The following CDH7 variants were observed in gnomAD, a reference collection of about 807,000 sequenced individuals.
CDH7 encodes the protein cadherin 7.
CDH7 carries 25 observed loss-of-function variants against 71.8 expected under a neutral mutation model. That is an observed-to-expected ratio of 0.35 (90% CI 0.25 to 0.49). The LOEUF is 0.49. Ranked by LOEUF, CDH7 falls within the 20% of genes least tolerant of loss-of-function variation. CDH7 has a pLI of 0.99. For synonymous variants in CDH7, 381 were observed against 363.8 expected, an observed-to-expected ratio of 1.05 and a Z score of -0.54; for missense variants, 862 against 974.6, an observed-to-expected ratio of 0.88 and a Z score of 1.54.
At chr18:65,836,529 G>GT in intron 6 of CDH7, among the ~76,000 whole-genome samples, 1 of 151,704 alleles carries the variant, frequency 6.6e-6, no homozygotes, top group Non-Finnish European at 1.5e-5. Context: ...ATAATTTATG[G>GT]TTTTAGACTG....
chr18:65,787,910 C>A (rs760551062), intron 2 of CDH7, among the ~76,000 whole-genome samples: 2 of 151,992 alleles, frequency 1.3e-5, no homozygotes, highest in Non-Finnish European at 2.9e-5. Context: ...TAAGAGAAAG[C>A]GAGTAACCAG....
intron 7 of CDH7, among the ~76,000 whole-genome samples, chr18:65,849,368 T>C (rs1358281979): frequency 1.5e-5 from 1 of 68,538 alleles, no homozygotes; most frequent in East Asian, 2.8e-4. Context: ...TCTTTTCTTT[T>C]CTTTTCTTTT....
chr18:65,830,399 C>T (rs1912294384), intron 6 of CDH7, among the ~76,000 whole-genome samples: 1 of 152,116 alleles, frequency 6.6e-6, no homozygotes, highest in African/African-American at 2.4e-5. Context: ...CATGGAAGTG[C>T]CTGTGATAAC....
chr18:65,815,604 A>G (rs1911696145), intron 4 of CDH7, among the ~76,000 whole-genome samples: 1 of 152,218 alleles, frequency 6.6e-6, no homozygotes, highest in African/African-American at 2.4e-5. Context: ...ACAGAGAAGT[A>G]AATTCAACCT....
chr18:65,875,803 C>A (rs2144063645), intron 11 of CDH7, among the ~76,000 whole-genome samples: 1 of 152,226 alleles, frequency 6.6e-6, no homozygotes, highest in Non-Finnish European at 1.5e-5. Context: ...TGGTGCATGG[C>A]TGTAGTCTCA....
Position 65,785,884 on chromosome 18 carries a change from A to G in CDH7, c.210+22832A>G, listed in dbSNP as rs142019680. The stretch of plus-strand genomic sequence containing the variant: ...CATAAGAAATATAATTTGTAAAAGT[A>G]CATATAGCAGTAGAATATGTTAACC... On this transcript the variant is annotated intron_variant, in intron 2 of 11. Coordinates refer to ENST00000397968, the MANE Select transcript of CDH7 (RefSeq NM_004361.5). 5.3e-4 allele frequency among the ~76,000 whole-genome samples: 80 copies of G among 152,352 alleles called. No homozygotes were observed. The East Asian group carries it at 0.014, about 27-fold the overall frequency.
intron 5 of CDH7, among the ~76,000 whole-genome samples, chr18:65,822,712 A>G (rs1911980590): frequency 6.6e-6 from 1 of 152,050 alleles, no homozygotes; most frequent in African/African-American, 2.4e-5. Context: ...CACACTTTTT[A>G]AAGCCAGTTT....
chr18:65,796,507 A>G (rs1910921158), intron 2 of CDH7, among the ~76,000 whole-genome samples: 1 of 152,170 alleles, frequency 6.6e-6, no homozygotes, highest in Non-Finnish European at 1.5e-5. Flanking sequence ...GGTAGCTACT[A>G]CATATTTATT....
At chr18:65,780,577 C>A (rs578261108) in intron 2 of CDH7, among the ~76,000 whole-genome samples, 1 of 141,740 alleles carries the variant, frequency 7.1e-6, no homozygotes, top group African/African-American at 2.7e-5. Flanking sequence ...TTCCCCATTG[C>A]TTGTTTTTCT....
rs546253610 is a variant in CDH7 at position 65,888,076 on chromosome 18, T to C, written c.*7182T>C. 2.0e-4 allele frequency: 30 copies of C among 152,276 alleles called. No homozygotes were observed. Among genetic ancestry groups the C allele is most frequent in the African/African-American group, 7.2e-4 (30 of 41,568 alleles). The allele number at this position is 152,276 out of a possible 1,614,324, so 9.4% of individuals were successfully genotyped here. A position where few individuals can be genotyped will look rare whatever the true frequency, so the allele number is the denominator to read the frequency against. On this transcript the variant is annotated 3_prime_UTR_variant, in exon 12 of 12. Transcript: ENST00000397968. Reference sequence around the variant, plus strand: ...GAAATGAGACATGAAGCATAAAACCTGGGGTCAGGATGTATGTCCAAACTG... The same window carrying C: ...GAAATGAGACATGAAGCATAAAACCCGGGGTCAGGATGTATGTCCAAACTG...
At chr18:65,832,463 G>T (rs1459202111) in intron 6 of CDH7, among the ~76,000 whole-genome samples, 1 of 151,958 alleles carries the variant, frequency 6.6e-6, no homozygotes, top group East Asian at 1.9e-4. Flanking sequence ...GACAAAATAT[G>T]CAGAATCCAC....
chr18:65,764,036 CTG>C (rs1916282537), intron 2 of CDH7, among the ~76,000 whole-genome samples: 1 of 151,998 alleles, frequency 6.6e-6, no homozygotes, highest in Admixed American at 6.6e-5. Context: ...ACACTTCACT[CTG>C]TCAGTTTTAT....
intron 6 of CDH7, among the ~76,000 whole-genome samples, chr18:65,835,161 G>T (rs1206343710): frequency 6.6e-6 from 1 of 152,120 alleles, no homozygotes; most frequent in African/African-American, 2.4e-5. Flanking sequence ...AGAATGGTAA[G>T]AACAGAGGTT....
At chr18:65,873,924 T>A (rs906382518) in intron 11 of CDH7, among the ~76,000 whole-genome samples, 1 of 152,222 alleles carries the variant, frequency 6.6e-6, no homozygotes, top group Non-Finnish European at 1.5e-5. Context: ...TAACTCTTTA[T>A]TTTTTATTCA....
At chr18:65,755,839 CAA>C (rs536765876) in intron 1 of CDH7, among the ~76,000 whole-genome samples, 247 of 152,128 alleles carry the variant, frequency 1.6e-3, no homozygotes, top group Middle Eastern at 0.01. Flanking sequence ...ACTGGGGACA[CAA>C]GAGCAAATGA....
intron 7 of CDH7, among the ~76,000 whole-genome samples, chr18:65,846,078 C>T (rs1912924656): frequency 1.3e-5 from 2 of 152,010 alleles, no homozygotes; most frequent in Non-Finnish European, 1.5e-5. Flanking sequence ...AAATATTTCA[C>T]TTTTTATAAT....
chr18:65,814,522 T>TA lies in CDH7; in HGVS notation c.543_544insA (p.Asp182ArgfsTer39). 6.2e-7 allele frequency: 1 copy of TA among 1,613,894 alleles called. No individual in the cohort carries two copies. Among genetic ancestry groups the TA allele is most frequent in the South Asian group, 1.1e-5 (1 of 91,078 alleles). ...TACAAGTGACAGCGACGGATGCTGA[T>TA]GATCCTACATATGGCAACAGTGCCA... is the stretch of plus-strand genomic sequence containing the variant. On this transcript the variant is annotated frameshift_variant, in exon 4 of 12. Transcript: ENST00000397968. LOFTEE classifies it high-confidence loss of function.
intron 2 of CDH7, among the ~76,000 whole-genome samples, chr18:65,766,050 T>A (rs1598988156): frequency 6.6e-6 from 1 of 152,278 alleles, no homozygotes; most frequent in African/African-American, 2.4e-5. Flanking sequence ...ATCTGTGTGA[T>A]TCCTCAGATG....
At chr18:65,851,821 G>A (rs910450651) in intron 7 of CDH7, among the ~76,000 whole-genome samples, 4 of 152,212 alleles carry the variant, frequency 2.6e-5, no homozygotes, top group Non-Finnish European at 5.9e-5. Flanking sequence ...GTTAGTGACA[G>A]GGTAATGGCC....
Sources: allele counts gnomAD v4.1 joint callset (sites outside exome capture counted in the v4.1 genomes callset), GRCh38; gene constraint gnomAD v4.1.1; transcripts MANE v1.5; gene names NCBI Gene and HGNC (gene_info 2026-07-23, HGNC 2026-07-21).